The following BTK variants were observed in gnomAD, a reference collection of about 807,000 sequenced individuals.
BTK encodes the protein Bruton tyrosine kinase.
In BTK, 5 loss-of-function variants were observed where a neutral mutation model predicts 57.4. The observed-to-expected ratio is 0.09, with a 90% CI of 0.05 to 0.18. BTK has a LOEUF of 0.18. BTK is among the 10% of genes least tolerant of loss of function. The probability of loss-of-function intolerance (pLI) is 1.00; values close to 1 mark genes in which losing one functional copy is unlikely to be tolerated. For missense variants in BTK, 194 were observed against 501.2 expected (o/e 0.39, Z 5.85); for synonymous variants, 154 against 174.3 (o/e 0.88, Z 0.92).
chrX:101,372,052 T>C (rs1328968794), intron 3 of BTK, among the ~76,000 whole-genome samples: 1 of 111,910 alleles, frequency 8.9e-6, no homozygotes, highest in African/African-American at 3.3e-5. Flanking sequence ...GAGCTTAATA[T>C]AAAAAATAAA....
chrX:101,385,952 C>T (rs1338034286), intron 1 of BTK, 110 bp downstream of exon 1: 2 of 111,337 alleles, frequency 1.8e-5, no homozygotes, highest in African/African-American at 6.6e-5. Context: ...CCGTCAGCCT[C>T]CTCCACTAGC....
At chrX:101,363,810 A>G (rs782106223) in intron 5 of BTK, among the ~76,000 whole-genome samples, 15 of 109,150 alleles carry the variant, frequency 1.4e-4, no homozygotes, top group South Asian at 3.9e-4. Context: ...ACTAGAGCAA[A>G]GACCCAGGCT....
At chrX:101,378,201 G>A (rs782129475) in intron 1 of BTK, among the ~76,000 whole-genome samples, 17 of 107,761 alleles carry the variant, frequency 1.6e-4, no homozygotes, top group Admixed American at 3.0e-4. Flanking sequence ...CTCCTGCCTC[G>A]GCCTCCCAAG....
chrX:101,381,241 T>C (rs1927412123), intron 1 of BTK, among the ~76,000 whole-genome samples: 1 of 111,438 alleles, frequency 9.0e-6, no homozygotes, highest in Non-Finnish European at 1.9e-5. Flanking sequence ...CTTTCAGTGA[T>C]AAACAATGCT....
At chrX:101,387,677 T>C (rs1017745990), upstream of BTK, among the ~76,000 whole-genome samples, 1 of 110,189 alleles carries the variant, frequency 9.1e-6, no homozygotes, top group African/African-American at 3.3e-5. Flanking sequence ...AATAAAAACA[T>C]TTAAAGTATT....
chrX:101,367,613 G>A (rs782368720), intron 5 of BTK, among the ~76,000 whole-genome samples: 1 of 109,096 alleles, frequency 9.2e-6, no homozygotes, highest in Non-Finnish European at 1.9e-5. Context: ...TCCAGCCTGG[G>A]TGACAAGAGC....
rs1409566704 is a variant in BTK at position 101,374,364 on chromosome X, AG to A, written c.240+171del. ...GTTTAGTGAGATGTTCTGAATATGA[AG>A]GAAAGAAGCTAAGATTCTTTATAAC... On this transcript the variant is annotated intron_variant, in intron 3 of 18. Transcript: ENST00000308731. The A allele has an allele frequency of 1.0e-5, 5 of 489,596 alleles. No homozygotes were observed. In the Admixed American group the frequency reaches 1.2e-4, roughly 12 times the overall value. The allele number at this position is 489,596 out of a possible 1,213,427, so 40.3% of individuals were successfully genotyped here. A position where few individuals can be genotyped will look rare whatever the true frequency, so the allele number is the denominator to read the frequency against.
At chrX:101,374,433 G>A (rs1927139983) in intron 3 of BTK, 103 bp downstream of exon 3, 2 of 676,527 alleles carry the variant, frequency 3.0e-6, no homozygotes, top group East Asian at 6.4e-5. Flanking sequence ...ACTTGACCGT[G>A]TTCCACGTTG....
intron 5 of BTK, among the ~76,000 whole-genome samples, chrX:101,363,887 C>CATTATT (rs72240121): frequency 0.015 from 1,250 of 81,778 alleles, 12 homozygotes; most frequent in Non-Finnish European, 0.02. Flanking sequence ...GAATCCCGCA[C>CATTATT]ATTATTATTA....
At chrX:101,354,325 AAAG>A (rs1555977541) in intron 16 of BTK, 2 of 409,511 alleles carry the variant, frequency 4.9e-6, no homozygotes, top group African/African-American at 2.5e-5. Flanking sequence ...ACTGATTAAG[AAAG>A]AAGGAGGAAT....
upstream of BTK, among the ~76,000 whole-genome samples, chrX:101,387,396 G>A (rs1328820709): frequency 1.1e-5 from 1 of 94,543 alleles, no homozygotes; most frequent in Non-Finnish European, 2.1e-5. Context: ...CTGAAGCCCA[G>A]GTTGGAGTGC....
At chrX:101,360,025 T>A (rs946720831) in intron 9 of BTK, 63 bp downstream of exon 9, 22 of 315,097 alleles carry the variant, frequency 7.0e-5, no homozygotes, top group Admixed American at 2.9e-4. Context: ...TAAATAAATA[T>A]ATATATATAT....
At chrX:101,376,391 G>T (rs1927214848) in intron 1 of BTK, among the ~76,000 whole-genome samples, 1 of 112,035 alleles carries the variant, frequency 8.9e-6, no homozygotes, top group African/African-American at 3.2e-5. Flanking sequence ...ACTTTGGGAG[G>T]CCGAGGCTGG....
intron 12 of BTK, among the ~76,000 whole-genome samples, chrX:101,357,993 G>A (rs190515845): frequency 5.0e-4 from 56 of 111,633 alleles, no homozygotes; most frequent in African/African-American, 1.7e-3. Flanking sequence ...GAATGTTCCC[G>A]TGTTCTCCTC....
At chrX:101,350,401 C>T (rs1218609652) in intron 18 of BTK, among the ~76,000 whole-genome samples, 77 of 68,717 alleles carry the variant, frequency 1.1e-3, no homozygotes, top group Non-Finnish European at 9.8e-4. Flanking sequence ...TACCTGGGAC[C>T]TTTTTTTTTT....
rs138411530 is a variant in BTK at position 101,375,133 on chromosome X, G to A, written c.141+11C>T. Reference sequence around the variant, plus strand: ...ATCTTGAAACTCAGTTTTCATAGTCGAGAAACTTACCCCACGTTCAAAGTC... The same window carrying A: ...ATCTTGAAACTCAGTTTTCATAGTCAAGAAACTTACCCCACGTTCAAAGTC... On this transcript the variant is annotated intron_variant, in intron 2 of 18. Coordinates refer to ENST00000308731, the MANE Select transcript of BTK (RefSeq NM_000061.3). 9,344 of 1,209,389 alleles carry A rather than the reference G, an allele frequency of 7.7e-3. 29 individuals are homozygous for A. The highest frequency in any genetic ancestry group is 9.4e-3 in the Non-Finnish European group (8,433 of 894,710).
chrX:101,363,902 T>TATC (rs1320276435), intron 5 of BTK, among the ~76,000 whole-genome samples: 17 of 91,561 alleles, frequency 1.9e-4, no homozygotes, highest in Non-Finnish European at 2.1e-5. Flanking sequence ...TTATTATTAT[T>TATC]ATTATTATTA....
At chrX:101,358,132 G>A in intron 12 of BTK, 178 bp downstream of exon 12, 1 of 651,731 alleles carries the variant, frequency 1.5e-6, no homozygotes, top group Non-Finnish European at 2.5e-6. Flanking sequence ...GTCAGTCCCT[G>A]TTGGGTGTAG....
chrX:101,359,181 C>A lies in BTK; in HGVS notation c.894+112G>T, dbSNP rs1926584069. On this transcript the variant is annotated intron_variant, in intron 10 of 18. Transcript: ENST00000308731. The stretch of plus-strand genomic sequence containing the variant: ...AAAATGGTGTAATTGGGATCCCAGA[C>A]GATGGCAGCTTTGACACTGCCTTGC... 9 of 848,628 alleles carry A rather than the reference C, an allele frequency of 1.1e-5. No individual in the cohort carries two copies. The Admixed American group carries it at 2.0e-4, about 19-fold the overall frequency. 69.9% of individuals were successfully genotyped at this position (848,628 alleles called of 1,213,427 possible).
Sources: gnomAD v4.1 joint callset for allele counts (sites outside exome capture counted in the v4.1 genomes callset) on GRCh38, gnomAD v4.1.1 for gene constraint, MANE v1.5 for transcripts, NCBI Gene and HGNC (gene_info 2026-07-23, HGNC 2026-07-21) for gene names.